Variants in CEMIP observed in about 807,000 individuals in gnomAD.
CEMIP encodes cell migration inducing hyaluronidase 1.
CEMIP carries 105 observed loss-of-function variants against 156.9 expected under a neutral mutation model. The observed-to-expected ratio is 0.67, with a 90% CI of 0.57 to 0.79. The LOEUF (loss-of-function observed/expected upper bound fraction) is 0.79, where lower values mean the gene tolerates loss of function less well. Among genes scored for constraint, CEMIP ranks in the 30% least tolerant of loss-of-function variants. CEMIP has a pLI of 0.00. For synonymous variants in CEMIP, 676 were observed against 668.4 expected, an observed-to-expected ratio of 1.01 and a Z score of -0.17; for missense variants, 1,457 against 1,769.4, an observed-to-expected ratio of 0.82 and a Z score of 3.17.
intron 1 of CEMIP, among the ~76,000 whole-genome samples, chr15:80,850,214 A>G (rs1897679757): frequency 6.6e-6 from 1 of 151,938 alleles, no homozygotes; most frequent in South Asian, 2.1e-4. Context: ...CTGGCCGGGG[A>G]GTGATTCCTA....
At chr15:80,838,921 T>C (rs1454993743) in intron 1 of CEMIP, among the ~76,000 whole-genome samples, 1 of 152,222 alleles carries the variant, frequency 6.6e-6, no homozygotes, top group African/African-American at 2.4e-5. Context: ...TCTGCCCTGC[T>C]TTCCCTGGAC....
chr15:80,824,723 T>G (rs1896991540), intron 1 of CEMIP, among the ~76,000 whole-genome samples: 1 of 152,230 alleles, frequency 6.6e-6, no homozygotes, highest in Non-Finnish European at 1.5e-5. Context: ...TTACATTTTA[T>G]AAGTAGTTGG....
chr15:80,860,097 G>A (rs902852397), intron 1 of CEMIP, among the ~76,000 whole-genome samples: 1 of 152,118 alleles, frequency 6.6e-6, no homozygotes, highest in Non-Finnish European at 1.5e-5. Flanking sequence ...TGTTGGCTCC[G>A]CCTGCTTTCA....
chr15:80,904,437 C>T (rs189480744), intron 12 of CEMIP, among the ~76,000 whole-genome samples: 143 of 152,192 alleles, frequency 9.4e-4, no homozygotes, highest in African/African-American at 3.3e-3. Flanking sequence ...AATAATGACC[C>T]CTAAATATAT....
intron 25 of CEMIP, among the ~76,000 whole-genome samples, chr15:80,938,438 C>T (rs972942288): frequency 6.6e-6 from 1 of 152,278 alleles, no homozygotes; most frequent in Admixed American, 6.5e-5. Flanking sequence ...AACCCCGTCT[C>T]TACTAAAAAT....
chr15:80,781,590 C>T (rs1002327435), intron 1 of CEMIP, among the ~76,000 whole-genome samples: 2 of 152,050 alleles, frequency 1.3e-5, no homozygotes, highest in Non-Finnish European at 2.9e-5. Flanking sequence ...TTACAAGAAA[C>T]GCAGGTCTGC....
chr15:80,839,996 G>A (rs1460934634), intron 1 of CEMIP, among the ~76,000 whole-genome samples: 2 of 152,228 alleles, frequency 1.3e-5, no homozygotes, highest in Non-Finnish European at 2.9e-5. Context: ...GGGAAAGGTG[G>A]GGTGGGACTT....
At chr15:80,814,205 C>T (rs1386061871) in intron 1 of CEMIP, among the ~76,000 whole-genome samples, 10 of 152,076 alleles carry the variant, frequency 6.6e-5, no homozygotes, top group East Asian at 5.8e-4. Flanking sequence ...CCCGCCACCA[C>T]GCCTGGCTAA....
intron 1 of CEMIP, among the ~76,000 whole-genome samples, chr15:80,839,146 C>G (rs1289418509): frequency 1.3e-5 from 2 of 152,124 alleles, no homozygotes; most frequent in African/African-American, 2.4e-5. Context: ...GTGGCAGCCA[C>G]ACTCAGTGAA....
intron 18 of CEMIP, 152 bp downstream of exon 18, chr15:80,924,858 A>C: frequency 1.3e-6 from 1 of 754,722 alleles, no homozygotes; most frequent in South Asian, 1.5e-5. Flanking sequence ...ACAATGGTGA[A>C]AACCTGAGCA....
rs559006308 is a variant in CEMIP, at chr15:80,787,612, CCTCT to C, written c.-176+8006_-176+8009del. ...CTGACTCCCAGACCTTGGGATTCAGCCTCTCTCTCTCCTACTTCCTAGATTTTTC... is the reference window on the plus strand; with the variant it reads ...CTGACTCCCAGACCTTGGGATTCAGCCTCTCTCCTACTTCCTAGATTTTTC... On this transcript the variant is annotated intron_variant, in intron 1 of 29. Transcript: ENST00000394685. Among the ~76,000 whole-genome samples, 38 of 152,292 alleles carry C rather than the reference CCTCT, an allele frequency of 2.5e-4. 1 individual carries two copies. Among genetic ancestry groups the C allele is most frequent in the Admixed American group, 5.9e-4 (9 of 15,296 alleles).
At chr15:80,791,047 C>A (rs1224798292) in intron 1 of CEMIP, among the ~76,000 whole-genome samples, 5 of 151,930 alleles carry the variant, frequency 3.3e-5, no homozygotes, top group African/African-American at 4.8e-5. Context: ...AGTACAATTT[C>A]TCCCAGGCCA....
In CEMIP at chr15:80,889,601, C is replaced by G. The variant is rs761974105; in HGVS notation, c.1086+9C>G. 1 of 1,614,012 alleles carries G rather than the reference C, an allele frequency of 6.2e-7. No individual in the cohort carries two copies. Among genetic ancestry groups the G allele is most frequent in the African/African-American group, 1.3e-5 (1 of 75,060 alleles). On this transcript the variant is annotated intron_variant, in intron 10 of 29. Coordinates refer to ENST00000394685, the MANE Select transcript of CEMIP (RefSeq NM_001293298.2). The stretch of plus-strand genomic sequence containing the variant: ...GTCCCATTGATATACAGGTACCAAA[C>G]TCACAGCAAAAATAGAAAATAGAAA...
At chr15:80,944,763 C>T (rs1005688194) in intron 28 of CEMIP, among the ~76,000 whole-genome samples, 3 of 152,142 alleles carry the variant, frequency 2.0e-5, no homozygotes, top group East Asian at 1.9e-4. Context: ...GAGATCATGA[C>T]GTTTTGGGCA....
intron 1 of CEMIP, among the ~76,000 whole-genome samples, chr15:80,780,062 G>A (rs542225408): frequency 6.6e-6 from 1 of 152,176 alleles, no homozygotes; most frequent in South Asian, 2.1e-4. Context: ...GAGCTCTAGC[G>A]GGCGTGCGCC....
At chr15:80,780,375 C>T (rs1895759298) in intron 1 of CEMIP, among the ~76,000 whole-genome samples, 1 of 152,220 alleles carries the variant, frequency 6.6e-6, no homozygotes, top group Non-Finnish European at 1.5e-5. Flanking sequence ...GGCCAGGTCT[C>T]CAGCTCGCCG....
chr15:80,829,984 G>GTGTGTA (rs1555428881), intron 1 of CEMIP, among the ~76,000 whole-genome samples: 2 of 135,100 alleles, frequency 1.5e-5, no homozygotes, highest in Non-Finnish European at 3.2e-5. Context: ...GTGTGTGTGT[G>GTGTGTA]TGTGTGTGTG....
At chr15:80,796,008 T>G (rs886851664) in intron 1 of CEMIP, among the ~76,000 whole-genome samples, 1 of 152,234 alleles carries the variant, frequency 6.6e-6, no homozygotes, top group Non-Finnish European at 1.5e-5. Context: ...AATTTATTAT[T>G]GCAGTAACAC....
intron 19 of CEMIP, among the ~76,000 whole-genome samples, chr15:80,928,011 G>A (rs1479120983): frequency 1.3e-5 from 2 of 152,200 alleles, no homozygotes; most frequent in Admixed American, 1.3e-4. Context: ...TGCAGCTGAT[G>A]TGGATTCACC....
Sources: allele counts gnomAD v4.1 joint callset (sites outside exome capture counted in the v4.1 genomes callset), GRCh38; gene constraint gnomAD v4.1.1; transcripts MANE v1.5; gene names NCBI Gene and HGNC (gene_info 2026-07-23, HGNC 2026-07-21).